Variants in EIPR1 observed in about 807,000 individuals in gnomAD.
The protein encoded by EIPR1 is EARP complex and GARP complex interacting protein 1.
EIPR1 carries 25 observed loss-of-function variants against 48.1 expected under a neutral mutation model. That is an observed-to-expected ratio of 0.52 (90% confidence interval 0.38 to 0.73). The LOEUF (loss-of-function observed/expected upper bound fraction) is 0.73, where lower values mean the gene tolerates loss of function less well. EIPR1 is among the 30% of genes least tolerant of loss of function. The pLI, the probability that EIPR1 is intolerant of heterozygous loss-of-function variation, is 0.00. For synonymous variants in EIPR1, 204 were observed against 201.9 expected, an observed-to-expected ratio of 1.01 and a Z score of -0.09; for missense variants, 415 against 506.2, an observed-to-expected ratio of 0.82 and a Z score of 1.73.
intron 3 of EIPR1, among the ~76,000 whole-genome samples, chr2:3,275,008 CAT>C (rs1406873824): frequency 2.0e-5 from 3 of 151,560 alleles, no homozygotes; most frequent in Non-Finnish European, 4.4e-5. Context: ...CCCAAAACAG[CAT>C]AAAGTAAGAT....
At chr2:3,214,757 G>A (rs1408446218) in intron 4 of EIPR1, among the ~76,000 whole-genome samples, 3 of 152,220 alleles carry the variant, frequency 2.0e-5, no homozygotes, top group Non-Finnish European at 1.5e-5. Context: ...TAGAATGGTT[G>A]TATGGGACTC....
chr2:3,341,095 C>CAAAAAAAAAAAAAAAAAA (rs55667121), intron 2 of EIPR1, among the ~76,000 whole-genome samples: 3 of 22,204 alleles, frequency 1.4e-4, no homozygotes, highest in Non-Finnish European at 2.0e-4. Flanking sequence ...GATCCTGTCT[C>CAAAAAAAAAAAAAAAAAA]AAAAAAAAAA....
intron 1 of EIPR1, among the ~76,000 whole-genome samples, chr2:3,363,185 C>G (rs1473658464): frequency 6.6e-6 from 1 of 152,102 alleles, no homozygotes; most frequent in Non-Finnish European, 1.5e-5. Context: ...GGAAAAGATT[C>G]ACCATGAAAA....
intron 5 of EIPR1, among the ~76,000 whole-genome samples, chr2:3,200,891 C>T (rs1391995214): frequency 6.6e-6 from 1 of 152,182 alleles, no homozygotes; most frequent in Non-Finnish European, 1.5e-5. Flanking sequence ...AGTGACCGAA[C>T]CAGAAAGGCT....
intron 3 of EIPR1, among the ~76,000 whole-genome samples, chr2:3,321,622 T>C (rs1669532470): frequency 6.6e-6 from 1 of 152,242 alleles, no homozygotes; most frequent in Non-Finnish European, 1.5e-5. Flanking sequence ...AATGCAACTT[T>C]CTTCTCATTT....
intron 4 of EIPR1, among the ~76,000 whole-genome samples, chr2:3,235,914 T>C (rs1558241631): frequency 1.3e-5 from 2 of 152,136 alleles, no homozygotes; most frequent in Non-Finnish European, 2.9e-5. Context: ...AGCTGGAGCT[T>C]TACGACAGCT....
chr2:3,263,950 C>T (rs1185326904), intron 3 of EIPR1, among the ~76,000 whole-genome samples: 1 of 152,184 alleles, frequency 6.6e-6, no homozygotes, highest in Non-Finnish European at 1.5e-5. Context: ...ACCTTACATA[C>T]TTATCATTTT....
At chr2:3,202,254 C>T (rs998171257) in intron 5 of EIPR1, among the ~76,000 whole-genome samples, 6 of 152,236 alleles carry the variant, frequency 3.9e-5, no homozygotes, top group Non-Finnish European at 8.8e-5. Flanking sequence ...AATGTCTTAA[C>T]TTCCACATGG....
At chr2:3,219,516 T>C (rs530437757) in intron 4 of EIPR1, among the ~76,000 whole-genome samples, 25 of 151,298 alleles carry the variant, frequency 1.7e-4, no homozygotes, top group Non-Finnish European at 1.8e-4. Context: ...GCTTTCACAG[T>C]GAGTCAGGTG....
intron 4 of EIPR1, among the ~76,000 whole-genome samples, chr2:3,234,811 G>C (rs1274634955): frequency 6.6e-6 from 1 of 152,192 alleles, no homozygotes; most frequent in African/African-American, 2.4e-5. Flanking sequence ...CTGCTCTCTT[G>C]AGTGTCAAAA....
At chr2:3,364,310 A>T (rs966710052) in intron 1 of EIPR1, among the ~76,000 whole-genome samples, 7 of 152,196 alleles carry the variant, frequency 4.6e-5, no homozygotes, top group African/African-American at 1.4e-4. Flanking sequence ...CTATACATAC[A>T]CAGTGAAATA....
intron 1 of EIPR1, 119 bp downstream of exon 1, chr2:3,377,529 G>C: frequency 7.7e-7 from 1 of 1,303,524 alleles, no homozygotes; most frequent in Non-Finnish European, 1.1e-6. Context: ...TGGGAACTAG[G>C]GAACAGACAC....
At chr2:3,281,621 G>A (rs1400151266) in intron 3 of EIPR1, among the ~76,000 whole-genome samples, 1 of 152,258 alleles carries the variant, frequency 6.6e-6, no homozygotes, top group South Asian at 2.1e-4. Flanking sequence ...ACGCGTGCCT[G>A]GAAGGGCTCA....
At chr2:3,273,736 C>A (rs923072218) in intron 3 of EIPR1, among the ~76,000 whole-genome samples, 7 of 152,122 alleles carry the variant, frequency 4.6e-5, no homozygotes, top group African/African-American at 1.7e-4. Flanking sequence ...AAATGAGAAT[C>A]GTCTCTGGAG....
chr2:3,324,358 C>T (rs1302716425), intron 3 of EIPR1, among the ~76,000 whole-genome samples: 1 of 152,242 alleles, frequency 6.6e-6, no homozygotes, highest in Non-Finnish European at 1.5e-5. Flanking sequence ...ATTCCCGGCA[C>T]CCACCTGGCT....
At chr2:3,361,896 A>G (rs1670860629) in intron 1 of EIPR1, among the ~76,000 whole-genome samples, 1 of 152,092 alleles carries the variant, frequency 6.6e-6, no homozygotes, top group South Asian at 2.1e-4. Flanking sequence ...ACACCCTGCA[A>G]GGCCTTCCCA....
At chr2:3,230,250 G>A (rs945242964) in intron 4 of EIPR1, among the ~76,000 whole-genome samples, 2 of 152,206 alleles carry the variant, frequency 1.3e-5, no homozygotes, top group Non-Finnish European at 1.5e-5. Flanking sequence ...AAAACATGGT[G>A]AGTAACGCAC....
chr2:3,190,692 C>T (rs189498477), intron 8 of EIPR1, among the ~76,000 whole-genome samples: 20 of 152,274 alleles, frequency 1.3e-4, no homozygotes, highest in Non-Finnish European at 2.2e-4. Context: ...ACTCCCTGGG[C>T]CACTGGCAGA....
At chr2:3,217,149 A>C (rs1192564212) in intron 4 of EIPR1, among the ~76,000 whole-genome samples, 2 of 152,218 alleles carry the variant, frequency 1.3e-5, no homozygotes, top group Non-Finnish European at 2.9e-5. Flanking sequence ...ATAAAAGATG[A>C]TTAATTCAGA....
Sources: gnomAD v4.1 joint callset for allele counts (sites outside exome capture counted in the v4.1 genomes callset) on GRCh38, gnomAD v4.1.1 for gene constraint, MANE v1.5 for transcripts, NCBI Gene and HGNC (gene_info 2026-07-23, HGNC 2026-07-21) for gene names.